Variants in ZNF804B observed in about 807,000 individuals in gnomAD.
The protein encoded by ZNF804B is zinc finger protein 804B.
A neutral mutation model predicts 101.4 loss-of-function variants in ZNF804B; 80 were observed. The observed-to-expected ratio is 0.79, with a 90% CI of 0.66 to 0.95. ZNF804B has a LOEUF of 0.95. ZNF804B is among the 40% of genes least tolerant of loss of function. The probability of loss-of-function intolerance (pLI) is 0.00; values close to 1 mark genes in which losing one functional copy is unlikely to be tolerated. For synonymous variants in ZNF804B, 622 were observed against 558.8 expected (o/e 1.11, Z -1.59); for missense variants, 1,673 against 1,561.9 (o/e 1.07, Z -1.20).
chr7:89,103,227 A>G (rs1001956600), intron 1 of ZNF804B, among the ~76,000 whole-genome samples: 12 of 146,438 alleles, frequency 8.2e-5, no homozygotes, highest in African/African-American at 3.0e-4. Context: ...TTTTTCTGCT[A>G]TGAACTTGAA....
chr7:89,162,472 A>T (rs1026654720), intron 1 of ZNF804B, among the ~76,000 whole-genome samples: 3 of 152,128 alleles, frequency 2.0e-5, no homozygotes, highest in Non-Finnish European at 4.4e-5. Flanking sequence ...AATGTAAGGT[A>T]GATCTGAAAT....
intron 2 of ZNF804B, among the ~76,000 whole-genome samples, chr7:89,231,669 C>T (rs1210238037): frequency 6.6e-6 from 1 of 151,810 alleles, no homozygotes; most frequent in African/African-American, 2.4e-5. Flanking sequence ...TTAAATATGA[C>T]ACATATTTTA....
intron 1 of ZNF804B, among the ~76,000 whole-genome samples, chr7:89,194,261 G>A (rs1246729762): frequency 3.3e-5 from 5 of 152,080 alleles, no homozygotes; most frequent in Non-Finnish European, 7.4e-5. Flanking sequence ...CATTTTGTAG[G>A]TTGCCTGTTC....
At chr7:89,024,436 C>T (rs1306145035) in intron 1 of ZNF804B, among the ~76,000 whole-genome samples, 6 of 151,880 alleles carry the variant, frequency 4.0e-5, no homozygotes, top group African/African-American at 1.5e-4. Flanking sequence ...ATTTGTTTGG[C>T]ATATTGGCAT....
chr7:88,953,186 C>A (rs954150431), intron 1 of ZNF804B, among the ~76,000 whole-genome samples: 1 of 151,822 alleles, frequency 6.6e-6, no homozygotes, highest in East Asian at 2.0e-4. Flanking sequence ...CAGTATTCCA[C>A]TCCAAATTTA....
chr7:89,176,340 C>T (rs1791317454), intron 1 of ZNF804B, among the ~76,000 whole-genome samples: 1 of 151,834 alleles, frequency 6.6e-6, no homozygotes, highest in Non-Finnish European at 1.5e-5. Context: ...TTGTCAGTAT[C>T]AGTTGAAGTG....
intron 2 of ZNF804B, among the ~76,000 whole-genome samples, chr7:89,259,418 A>C (rs764869421): frequency 6.6e-6 from 1 of 152,202 alleles, no homozygotes; most frequent in Non-Finnish European, 1.5e-5. Flanking sequence ...ACCTGGGTAC[A>C]GTTTTCTCCA....
chr7:88,886,115 A>G (rs1249887223), intron 1 of ZNF804B, among the ~76,000 whole-genome samples: 2 of 152,278 alleles, frequency 1.3e-5, no homozygotes, highest in East Asian at 3.9e-4. Context: ...AGTTCAAAAC[A>G]ATGGACCATA....
intron 2 of ZNF804B, among the ~76,000 whole-genome samples, chr7:89,228,803 G>A (rs1012172036): frequency 6.6e-6 from 1 of 152,192 alleles, no homozygotes; most frequent in African/African-American, 2.4e-5. Context: ...GGGACTGGGC[G>A]CTATGGAGCA....
intron 1 of ZNF804B, among the ~76,000 whole-genome samples, chr7:89,124,839 C>G (rs979538618): frequency 6.6e-6 from 1 of 151,778 alleles, no homozygotes; most frequent in Non-Finnish European, 1.5e-5. Flanking sequence ...CTTTAAAGAC[C>G]TTGATGAAAA....
At chr7:89,045,592 C>T (rs1294713384) in intron 1 of ZNF804B, among the ~76,000 whole-genome samples, 2 of 152,206 alleles carry the variant, frequency 1.3e-5, no homozygotes, top group African/African-American at 4.8e-5. Context: ...GGATGTGAGA[C>T]ATGGAGTCCA....
intron 1 of ZNF804B, among the ~76,000 whole-genome samples, chr7:89,207,565 C>T (rs1393765997): frequency 6.6e-6 from 1 of 152,118 alleles, no homozygotes; most frequent in African/African-American, 2.4e-5. Flanking sequence ...TAGAGCCAAA[C>T]AATATCAGTT....
intron 1 of ZNF804B, among the ~76,000 whole-genome samples, chr7:89,075,348 T>G (rs1789600588): frequency 6.6e-6 from 1 of 152,060 alleles, no homozygotes; most frequent in Non-Finnish European, 1.5e-5. Flanking sequence ...CTGCGTGCCA[T>G]CTAGGGACTT....
intron 1 of ZNF804B, among the ~76,000 whole-genome samples, chr7:89,022,018 G>A (rs904173033): frequency 2.6e-5 from 4 of 152,164 alleles, no homozygotes; most frequent in Admixed American, 1.3e-4. Flanking sequence ...ACAAGTGTTT[G>A]TGGTGACAGT....
intron 1 of ZNF804B, among the ~76,000 whole-genome samples, chr7:89,192,980 T>C (rs1272795812): frequency 6.6e-6 from 1 of 152,028 alleles, no homozygotes; most frequent in Non-Finnish European, 1.5e-5. Context: ...ATAAACTAGG[T>C]ATTGAAGGAA....
At chr7:89,230,810 A>G (rs1437918879) in intron 2 of ZNF804B, among the ~76,000 whole-genome samples, 1 of 152,020 alleles carries the variant, frequency 6.6e-6, no homozygotes, top group Non-Finnish European at 1.5e-5. Context: ...GTGGTATCTC[A>G]CTGTGATTTG....
chr7:89,161,377 AG>A (rs1791060007), intron 1 of ZNF804B, among the ~76,000 whole-genome samples: 2 of 152,072 alleles, frequency 1.3e-5, no homozygotes, highest in Admixed American at 1.3e-4. Flanking sequence ...AATAGTCTAC[AG>A]TTTTATATTA....
chr7:89,266,202 G>T (rs1164670035), intron 2 of ZNF804B, among the ~76,000 whole-genome samples: 1 of 152,090 alleles, frequency 6.6e-6, no homozygotes, highest in East Asian at 1.9e-4. Flanking sequence ...CAGAACAGCT[G>T]CCCTAACACC....
At chr7:89,268,394 C>T (rs1262538140) in intron 2 of ZNF804B, among the ~76,000 whole-genome samples, 2 of 152,056 alleles carry the variant, frequency 1.3e-5, no homozygotes, top group African/African-American at 2.4e-5. Flanking sequence ...CATTCAGCAT[C>T]CCAACAAATC....
Sources: gnomAD v4.1 joint callset for allele counts (sites outside exome capture counted in the v4.1 genomes callset) on GRCh38, gnomAD v4.1.1 for gene constraint, MANE v1.5 for transcripts, NCBI Gene and HGNC (gene_info 2026-07-23, HGNC 2026-07-21) for gene names.